The following FLNB variants were observed in gnomAD, a reference collection of about 807,000 sequenced individuals.
FLNB encodes filamin-B.
Under a neutral mutation model 250.6 loss-of-function variants are expected in FLNB, and 111 were observed. The ratio of observed to expected loss-of-function variants is 0.44; its 90% CI spans 0.38 to 0.52. FLNB has a LOEUF of 0.52. FLNB is among the 20% of genes least tolerant of loss of function. The probability of loss-of-function intolerance (pLI) is 0.00; values close to 1 mark genes in which losing one functional copy is unlikely to be tolerated. For synonymous variants in FLNB, 1,302 were observed against 1,372.1 expected, an observed-to-expected ratio of 0.95 and a Z score of 1.13; for missense variants, 2,869 against 3,447.8, an observed-to-expected ratio of 0.83 and a Z score of 4.20.
chr3:58,086,109 C>T (rs774456761), intron 4 of FLNB, among the ~76,000 whole-genome samples: 36 of 151,916 alleles, frequency 2.4e-4, no homozygotes, highest in Non-Finnish European at 4.3e-4. Flanking sequence ...GATTCTCCCT[C>T]CTCAGCTTCC....
At chr3:58,075,339 T>A (rs2097200207) in intron 1 of FLNB, among the ~76,000 whole-genome samples, 1 of 152,096 alleles carries the variant, frequency 6.6e-6, no homozygotes, top group African/African-American at 2.4e-5. Context: ...TGCCACCAGC[T>A]GTAGAATCTG....
At chr3:58,129,125 TTA>T (rs2097302268) in intron 24 of FLNB, among the ~76,000 whole-genome samples, 1 of 152,200 alleles carries the variant, frequency 6.6e-6, no homozygotes, top group African/African-American at 2.4e-5. Context: ...CCTGGCCTGG[TTA>T]AAAACCCGGA....
At position 58,159,608 on chromosome 3, in the gene FLNB, G is replaced by A. The variant is rs754457328; in HGVS notation, c.6943G>A (p.Ala2315Thr). The A allele has an allele frequency of 6.8e-6, 11 of 1,613,896 alleles. No homozygotes were observed. The Admixed American group carries it at 8.3e-5, about 12-fold the overall frequency. Residue 2315 changes from alanine to threonine, a missense_variant, in exon 42 of 46, where the codon GCA becomes ACA. Physicochemically the swap from Ala to Thr is moderately conservative, Grantham distance 58. This residue lies in a region of FLNB where 1,084 missense variants were observed against 1,315.5 expected (regional missense o/e 0.82). Transcript: ENST00000295956. Reference protein sequence around the residue: ...PASFAIRLNGAKGKIDAKVHS... With the variant: ...PASFAIRLNGTKGKIDAKVHS... ...ATCCTTTGCTATAAGGTTGAATGGC[G>A]CAAAAGGCAAGATTGATGCAAAGGT... is the stretch of plus-strand genomic sequence containing the variant.
At position 58,167,592 on chromosome 3, in the gene FLNB, C is replaced by T. The variant is rs574703993; in HGVS notation, c.7199-848C>T. ...ACCTGATGACTGAAGGAGGCTCTCCCTGGGCCAGCTAAGTTGTCTCAGGGC... is the reference window on the plus strand; with the variant it reads ...ACCTGATGACTGAAGGAGGCTCTCCTTGGGCCAGCTAAGTTGTCTCAGGGC... On this transcript the variant is annotated intron_variant, in intron 43 of 45. Coordinates refer to ENST00000295956, the MANE Select transcript of FLNB (RefSeq NM_001457.4). 3.3e-5 allele frequency among the ~76,000 whole-genome samples: 5 copies of T among 152,350 alleles called. No individual in the cohort carries two copies. In the East Asian group the frequency reaches 9.6e-4, roughly 29 times the overall value.
chr3:58,080,413 C>T (rs907596315), intron 3 of FLNB, among the ~76,000 whole-genome samples: 8 of 151,934 alleles, frequency 5.3e-5, no homozygotes, highest in Admixed American at 5.2e-4. Flanking sequence ...GAGGTGGTGG[C>T]ACCTTCAGGG....
At chr3:58,037,560 G>A (rs1014643978) in intron 1 of FLNB, among the ~76,000 whole-genome samples, 5 of 151,974 alleles carry the variant, frequency 3.3e-5, no homozygotes, top group African/African-American at 9.7e-5. Flanking sequence ...GATTTCCCTC[G>A]TGAAGTCCTC....
chr3:58,135,895 T>C, intron 27 of FLNB, 84 bp from the exon 28 acceptor site: 1 of 1,386,382 alleles, frequency 7.2e-7, no homozygotes, highest in South Asian at 1.2e-5. Context: ...CTAGAGGCAC[T>C]AATTGGAAAA....
chr3:58,105,716 A>G (rs1158647963), intron 11 of FLNB, among the ~76,000 whole-genome samples: 2 of 152,110 alleles, frequency 1.3e-5, no homozygotes, highest in Non-Finnish European at 2.9e-5. Flanking sequence ...CAGTTATTTG[A>G]CTCTGCCGTT....
At chr3:58,155,688 C>T (rs550035026) in intron 40 of FLNB, among the ~76,000 whole-genome samples, 57 of 152,258 alleles carry the variant, frequency 3.7e-4, no homozygotes, top group African/African-American at 1.2e-3. Flanking sequence ...AAAATTAAAA[C>T]GTAATTTTTT....
intron 39 of FLNB, 152 bp from the exon 40 acceptor site, chr3:58,154,639 C>G: frequency 1.3e-6 from 1 of 750,768 alleles, no homozygotes; most frequent in East Asian, 2.6e-5. Flanking sequence ...CAGCAATGGA[C>G]CTTGGACCTT....
At position 58,144,536 on chromosome 3, in the gene FLNB, C is replaced by T. The variant is rs146995401; in HGVS notation, c.5425+923C>T. On this transcript the variant is annotated intron_variant, in intron 32 of 45. Coordinates refer to ENST00000295956, the MANE Select transcript of FLNB (RefSeq NM_001457.4). ...AGGGCATTTTGGTTCTTCCTGCCCT[C>T]GCTGTCCCCAGTGTTGCTGCGCAAA... Among the ~76,000 whole-genome samples, 726 of 152,334 alleles carry T rather than the reference C, an allele frequency of 4.8e-3. 2 individuals carry two copies. Among genetic ancestry groups the T allele is most frequent in the Non-Finnish European group, 6.7e-3 (457 of 68,038 alleles).
chr3:58,169,815 A>AAC lies in FLNB; in HGVS notation c.7621+22_7621+23insAC. On this transcript the variant is annotated intron_variant, in intron 45 of 45. Transcript: ENST00000295956. This position sits in a 1 kb window ranked among gnomAD's most constrained non-coding sequence, Gnocchi z 4.8. ...GCTGGTAGGTGTCTGGGCCTTTTCA[A>AAC]GGGTGGGGTGGGGCAGGGGCAGGCT... 1.5e-6 allele frequency: 1 copy of AAC among 688,208 alleles called. No individual in the cohort carries two copies. Among genetic ancestry groups the AAC allele is most frequent in the Non-Finnish European group, 2.5e-6 (1 of 397,668 alleles). The allele number at this position is 688,208 out of a possible 1,614,324, so 42.6% of individuals were successfully genotyped here.
At chr3:58,031,774 G>T (rs1268997747) in intron 1 of FLNB, among the ~76,000 whole-genome samples, 1 of 151,554 alleles carries the variant, frequency 6.6e-6, no homozygotes, top group Non-Finnish European at 1.5e-5. Context: ...GAACCCCTGG[G>T]TTCAAGCCAT....
At chr3:58,045,754 C>T (rs2097152926) in intron 1 of FLNB, among the ~76,000 whole-genome samples, 2 of 152,146 alleles carry the variant, frequency 1.3e-5, no homozygotes, top group African/African-American at 4.8e-5. Context: ...AATCCCAGCA[C>T]TCTGGGAGGC....
At chr3:58,034,247 G>A (rs1326923448) in intron 1 of FLNB, among the ~76,000 whole-genome samples, 2 of 152,156 alleles carry the variant, frequency 1.3e-5, no homozygotes, top group Non-Finnish European at 2.9e-5. Context: ...TGGAATGTTA[G>A]GATCATACAT....
intron 26 of FLNB, 148 bp downstream of exon 26, chr3:58,133,079 C>T: frequency 2.2e-6 from 2 of 898,114 alleles, no homozygotes; most frequent in East Asian, 2.7e-5. Context: ...ATCCACCCAT[C>T]CATTCCTCCA....
chr3:58,049,041 C>T (rs1254638798), intron 1 of FLNB, among the ~76,000 whole-genome samples: 1 of 152,148 alleles, frequency 6.6e-6, no homozygotes, highest in Non-Finnish European at 1.5e-5. Context: ...TGTGTATTGC[C>T]AGAGAAAATA....
chr3:58,023,353 G>C (rs1485663959), intron 1 of FLNB, among the ~76,000 whole-genome samples: 2 of 152,020 alleles, frequency 1.3e-5, no homozygotes, highest in African/African-American at 2.4e-5. Flanking sequence ...AAAGTGCTGG[G>C]ATTACAGGAG....
chr3:58,043,141 CTTTTTTTTTTTTTT>C (rs58727890), intron 1 of FLNB, among the ~76,000 whole-genome samples: 4 of 101,984 alleles, frequency 3.9e-5, no homozygotes, highest in Non-Finnish European at 7.4e-5. Context: ...TTTGGCATTC[CTTTTTTTTTTTTTT>C]TTTTTTTTTG....
Sources: gnomAD v4.1 joint callset for allele counts (sites outside exome capture counted in the v4.1 genomes callset) on GRCh38, gnomAD v4.1.1 for gene constraint, gnomAD v4.1.1 regional missense constraint, Gnocchi (gnomAD v3.1) non-coding constraint, MANE v1.5 for transcripts, NCBI Gene and HGNC (gene_info 2026-07-23, HGNC 2026-07-21) for gene names.